The following CD5L variants were observed in gnomAD, a reference collection of about 807,000 sequenced individuals.
The protein encoded by CD5L is CD5 molecule like.
CD5L carries 39 observed loss-of-function variants against 40.8 expected under a neutral mutation model. The ratio of observed to expected loss-of-function variants is 0.96; its 90% CI spans 0.74 to 1.25. The LOEUF is 1.25. CD5L is among the 50% of genes most tolerant of loss of function. CD5L has a pLI of 0.00. For synonymous variants in CD5L, 192 were observed against 169.6 expected (o/e 1.13, Z -1.03); for missense variants, 433 against 435.9 (o/e 0.99, Z 0.06).
rs1380330602 is a variant in CD5L, at chr1:157,834,385, T to C, written c.718+22A>G. On this transcript the variant is annotated intron_variant, in intron 4 of 5. Transcript: ENST00000368174. Reference sequence around the variant, plus strand: ...TAATTAAATCCATGAATAAACCTAGTCTTTGGACGCACAGGCATTACCTTC... The same window carrying C: ...TAATTAAATCCATGAATAAACCTAGCCTTTGGACGCACAGGCATTACCTTC... 11 of 1,580,970 alleles carry C rather than the reference T, an allele frequency of 7.0e-6. No homozygotes were observed. In the Admixed American group the frequency reaches 1.9e-4, roughly 27 times the overall value.
At chr1:157,830,155 C>T (rs1656009541), downstream of CD5L, among the ~76,000 whole-genome samples, 1 of 152,180 alleles carries the variant, frequency 6.6e-6, no homozygotes, top group Admixed American at 6.5e-5. Flanking sequence ...AGCCAGTATT[C>T]AAGAGTCTAG....
rs57247880 is a variant in CD5L, at chr1:157,835,749, G to A, written c.376+86C>T. 9.5e-3 allele frequency: 10,525 copies of A among 1,110,378 alleles called. 684 individuals are homozygous for A. In the African/African-American group the frequency reaches 0.14, roughly 15 times the overall value. 68.8% of individuals were successfully genotyped at this position (1,110,378 alleles called of 1,614,324 possible). A position where few individuals can be genotyped will look rare whatever the true frequency, so the allele number is the denominator to read the frequency against. ...GGGGCCAATTAGCCATTGTGTGAAC[G>A]TCTATGGTAGGGAATGAAGACCAAC... On this transcript the variant is annotated intron_variant, in intron 3 of 5. Transcript: ENST00000368174.
downstream of CD5L, among the ~76,000 whole-genome samples, chr1:157,827,992 CAGA>C (rs1173270098): frequency 8.5e-5 from 13 of 152,156 alleles, no homozygotes; most frequent in Non-Finnish European, 1.8e-4. Flanking sequence ...TTCCAGAACC[CAGA>C]AGAAGGTTTA....
downstream of CD5L, among the ~76,000 whole-genome samples, chr1:157,828,039 A>C (rs2101932585): frequency 6.6e-6 from 1 of 152,360 alleles, no homozygotes; most frequent in African/African-American, 2.4e-5. Flanking sequence ...TTCACAGTAT[A>C]ACTCAAATTA....
At chr1:157,827,193 G>A (rs754995001), downstream of CD5L, among the ~76,000 whole-genome samples, 7 of 151,606 alleles carry the variant, frequency 4.6e-5, no homozygotes, top group Non-Finnish European at 2.9e-5. Context: ...TTAAAATTCC[G>A]TTCCTCTAGA....
chr1:157,836,146 G>A lies in CD5L; in HGVS notation c.65C>T (p.Ser22Phe), dbSNP rs777319098. 1 of 1,611,714 alleles carries A rather than the reference G, an allele frequency of 6.2e-7. No homozygotes were observed. Among genetic ancestry groups the A allele is most frequent in the Non-Finnish European group, 8.5e-7 (1 of 1,178,606 alleles). ...CTRPGFLASPSGVRLVGGLHR... is the reference protein window; with the variant it reads ...CTRPGFLASPFGVRLVGGLHR... ...GAGGCCCCCCACCAGCCGCACTCCA[G>A]ATGGAGACGCTGCAAAGAGACGGGT... is the stretch of plus-strand genomic sequence containing the variant. The change falls in exon 3 of 6, where the codon TCT (serine) becomes TTT (phenylalanine). Residue 22 changes from serine (S) to phenylalanine (F), a missense_variant. By Grantham distance (155) the Ser-to-Phe change is radical. Coordinates refer to ENST00000368174, the MANE Select transcript of CD5L (RefSeq NM_005894.3).
intron 2 of CD5L, among the ~76,000 whole-genome samples, chr1:157,838,954 AG>A (rs1299596224): frequency 1.3e-5 from 2 of 152,252 alleles, no homozygotes; most frequent in Non-Finnish European, 2.9e-5. Flanking sequence ...CTGCTGGTCA[AG>A]CTATGTGCTG....
intron 2 of CD5L, among the ~76,000 whole-genome samples, chr1:157,837,626 A>G (rs1476108119): frequency 1.3e-5 from 2 of 152,196 alleles, no homozygotes; most frequent in African/African-American, 4.8e-5. Flanking sequence ...GCCACATGGG[A>G]TGACCCAGGT....
intron 3 of CD5L, among the ~76,000 whole-genome samples, chr1:157,835,602 C>T (rs1308447156): frequency 6.6e-6 from 1 of 152,164 alleles, no homozygotes; most frequent in Non-Finnish European, 1.5e-5. Context: ...GAAACAAGTT[C>T]TCATATAGAT....
At chr1:157,830,472 G>A (rs1165285887), downstream of CD5L, among the ~76,000 whole-genome samples, 1 of 152,122 alleles carries the variant, frequency 6.6e-6, no homozygotes, top group Non-Finnish European at 1.5e-5. Flanking sequence ...CCAGCCGAGT[G>A]GTGGGCTCTC....
chr1:157,835,800 GCTGGCAA>G (rs753972487), intron 3 of CD5L, 28 bp downstream of exon 3: 1 of 1,550,078 alleles, frequency 6.5e-7, no homozygotes. Flanking sequence ...GGGTATGGCA[GCTGGCAA>G]GTGGTCCGGG....
At chr1:157,837,769 CTA>C (rs776109353) in intron 2 of CD5L, among the ~76,000 whole-genome samples, 1 of 113,772 alleles carries the variant, frequency 8.8e-6, no homozygotes, top group Non-Finnish European at 1.7e-5. Flanking sequence ...TCTAATCTAG[CTA>C]TTTTTTTTTT....
At chr1:157,835,802 T>A (rs760479322) in intron 3 of CD5L, 33 bp downstream of exon 3, 3 of 1,555,812 alleles carry the variant, frequency 1.9e-6, no homozygotes, top group Non-Finnish European at 2.6e-6. Flanking sequence ...GTATGGCAGC[T>A]GGCAAGTGGT....
At chr1:157,835,425 T>C (rs1043927647) in intron 3 of CD5L, among the ~76,000 whole-genome samples, 1 of 152,258 alleles carries the variant, frequency 6.6e-6, no homozygotes, top group African/African-American at 2.4e-5. Context: ...CCTTTCTACC[T>C]GATTAGAAGA....
intron 2 of CD5L, 26 bp downstream of exon 2, chr1:157,839,358 C>T: frequency 6.2e-7 from 1 of 1,613,172 alleles, no homozygotes; most frequent in Non-Finnish European, 8.5e-7. Context: ...TGAGGCCTCC[C>T]TCTCAGAAAC....
At chr1:157,840,881 G>A (rs1231855091) in intron 1 of CD5L, among the ~76,000 whole-genome samples, 1 of 152,154 alleles carries the variant, frequency 6.6e-6, no homozygotes, top group African/African-American at 2.4e-5. Context: ...TTAAGATGTG[G>A]TCAGTACCTT....
intron 3 of CD5L, among the ~76,000 whole-genome samples, 195 bp from the exon 4 acceptor site, chr1:157,834,943 A>G (rs1656164576): frequency 6.6e-6 from 1 of 152,262 alleles, no homozygotes; most frequent in African/African-American, 2.4e-5. Flanking sequence ...TCCAAATTCA[A>G]AGCTGAATCA....
intron 4 of CD5L, among the ~76,000 whole-genome samples, chr1:157,833,769 C>CT (rs760277537): frequency 0.037 from 4,182 of 114,438 alleles, 214 homozygotes; most frequent in African/African-American, 0.11. Flanking sequence ...CAAAGCTCAG[C>CT]TTTTTTTTTT....
At chr1:157,834,321 A>G in intron 4 of CD5L, 86 bp downstream of exon 4, 1 of 1,116,568 alleles carries the variant, frequency 9.0e-7, no homozygotes, top group Non-Finnish European at 1.3e-6. Context: ...TTGGTGCGTT[A>G]GTAGCTCTTT....
Sources: allele counts gnomAD v4.1 joint callset (sites outside exome capture counted in the v4.1 genomes callset), GRCh38; gene constraint gnomAD v4.1.1; transcripts MANE v1.5; gene names NCBI Gene and HGNC (gene_info 2026-07-23, HGNC 2026-07-21).